Variants in HTT observed in about 807,000 individuals in gnomAD.
The protein encoded by HTT is huntington disease protein.
HTT carries 104 observed loss-of-function variants against 362.3 expected under a neutral mutation model. The observed-to-expected ratio is 0.29, with a 90% CI of 0.24 to 0.34. HTT has a LOEUF of 0.34. Ranked by LOEUF, HTT falls within the 10% of genes least tolerant of loss-of-function variation. The pLI, the probability that HTT is intolerant of heterozygous loss-of-function variation, is 1.00. For synonymous variants in HTT, 1,577 were observed against 1,548.7 expected (o/e 1.02, Z -0.43); for missense variants, 3,301 against 3,928.6 (o/e 0.84, Z 4.27).
At chr4:3,099,730 G>A (rs1201121286) in intron 3 of HTT, among the ~76,000 whole-genome samples, 4 of 151,216 alleles carry the variant, frequency 2.6e-5, no homozygotes. Context: ...TGCATGGTTT[G>A]CAGGTGCTCT....
intron 12 of HTT, 79 bp downstream of exon 12, chr4:3,127,683 G>C: frequency 9.4e-7 from 1 of 1,061,514 alleles, no homozygotes; most frequent in Non-Finnish European, 1.4e-6. Context: ...TGCAGTGGAG[G>C]CCGGGCACAG....
intron 40 of HTT, among the ~76,000 whole-genome samples, chr4:3,193,134 C>T (rs913075268): frequency 6.6e-6 from 1 of 152,218 alleles, no homozygotes; most frequent in Non-Finnish European, 1.5e-5. Flanking sequence ...CGGTAGGGCC[C>T]GGCCGCACGG....
chr4:3,143,843 T>A (rs1029476661), intron 23 of HTT, among the ~76,000 whole-genome samples: 30 of 152,236 alleles, frequency 2.0e-4, no homozygotes, highest in Non-Finnish European at 3.7e-4. Context: ...CCTCAGGTGA[T>A]CCGCCCTCCT....
chr4:3,077,281 C>T (rs928853904), intron 1 of HTT, among the ~76,000 whole-genome samples: 1 of 152,154 alleles, frequency 6.6e-6, no homozygotes, highest in African/African-American at 2.4e-5. Flanking sequence ...CTTCCTTCCA[C>T]CCCTTTCCTC....
At position 3,243,034 on chromosome 4, in the gene HTT, A is replaced by T. The variant is rs2110312462; in HGVS notation, c.*2975A>T. 1 of 152,624 alleles carries T rather than the reference A, an allele frequency of 6.6e-6. No homozygotes were observed. Among genetic ancestry groups the T allele is most frequent in the Non-Finnish European group, 1.5e-5 (1 of 68,020 alleles). The allele number at this position is 152,624 out of a possible 1,614,324, so 9.5% of individuals were successfully genotyped here. On this transcript the variant is annotated 3_prime_UTR_variant, in exon 67 of 67. Transcript: ENST00000355072. ...CATCTGAGAAGGCCCTGTGCCCTAAAGGACACCCCTCGCCCCCATCTTCAT... is the reference window on the plus strand; with the variant it reads ...CATCTGAGAAGGCCCTGTGCCCTAATGGACACCCCTCGCCCCCATCTTCAT...
chr4:3,174,789 G>A lies in HTT; in HGVS notation c.4235G>A (p.Arg1412His), dbSNP rs201053245. 8.7e-6 allele frequency: 14 copies of A among 1,614,026 alleles called. No individual in the cohort carries two copies. Among genetic ancestry groups the A allele is most frequent in the Admixed American group, 1.7e-5 (1 of 60,022 alleles). The change falls in exon 32 of 67, where the codon CGT becomes CAT. Residue 1412 changes from arginine (R) to histidine (H), a missense_variant. Arg to His is a conservative substitution (Grantham distance 29). Around this residue, in one of 4 missense-constraint regions of HTT, gnomAD observed 2,316 missense variants for 2,658.5 expected, o/e 0.87. Coordinates refer to ENST00000355072, the MANE Select transcript of HTT (RefSeq NM_001388492.1). ...AACCTCACGAGTGTCACAAAGAACCGTGCAGATAAGGTAAATGGTGCCGTT... is the reference window on the plus strand; with the variant it reads ...AACCTCACGAGTGTCACAAAGAACCATGCAGATAAGGTAAATGGTGCCGTT... ...KTNLTSVTKN[R>H]ADKNAIHNHI...
At chr4:3,155,728 CAAAAA>C (rs774283812) in intron 27 of HTT, among the ~76,000 whole-genome samples, 76 of 49,602 alleles carry the variant, frequency 1.5e-3, no homozygotes, top group Middle Eastern at 0.013. Context: ...AAAAATACCA[CAAAAA>C]AAAAAAAAAA....
rs181687982 is a variant in HTT at position 3,163,111 on chromosome 4, G to A, written c.3864+2719G>A. ...TTGAGATACGTTCCATCGATACCTA[G>A]TTTATTGAGAGTTTTTAGCATGAAA... On this transcript the variant is annotated intron_variant, in intron 29 of 66. Coordinates refer to ENST00000355072, the MANE Select transcript of HTT (RefSeq NM_001388492.1). Among the ~76,000 whole-genome samples, 21 of 152,270 alleles carry A rather than the reference G, an allele frequency of 1.4e-4. No individual in the cohort carries two copies. In the East Asian group the frequency reaches 3.7e-3, roughly 27 times the overall value.
chr4:3,078,835 C>T (rs57666989), intron 1 of HTT, among the ~76,000 whole-genome samples: 10,821 of 151,982 alleles, frequency 0.071, 718 homozygotes, highest in East Asian at 0.33. Flanking sequence ...CCCGAGTTCA[C>T]GCCATTCTCC....
At position 3,242,286 on chromosome 4, in the gene HTT, G is replaced by C. The variant is rs761716011; in HGVS notation, c.*2227G>C. 1 of 152,180 alleles carries C rather than the reference G, an allele frequency of 6.6e-6. No individual in the cohort carries two copies. The highest frequency in any genetic ancestry group is 2.4e-5 in the African/African-American group (1 of 41,414). The allele number at this position is 152,180 out of a possible 1,614,324, so 9.4% of individuals were successfully genotyped here. The stretch of plus-strand genomic sequence containing the variant: ...CTTAGCAAGGGGCTCAGAACACCCC[G>C]CTCTGGCAGTAGGTGTCCCCCACCC... On this transcript the variant is annotated 3_prime_UTR_variant, in exon 67 of 67. Coordinates refer to ENST00000355072, the MANE Select transcript of HTT (RefSeq NM_001388492.1).
At chr4:3,091,510 A>G (rs1187473026) in intron 2 of HTT, among the ~76,000 whole-genome samples, 1 of 152,232 alleles carries the variant, frequency 6.6e-6, no homozygotes, top group Non-Finnish European at 1.5e-5. Flanking sequence ...TTGAAAGTAA[A>G]TTGAACTTGG....
rs971718765 is a variant in HTT at position 3,229,778 on chromosome 4, G to A, written c.8110-109G>A. The A allele has an allele frequency of 1.0e-5, 12 of 1,183,062 alleles. No individual in the cohort carries two copies. In the African/African-American group the frequency reaches 1.6e-4, roughly 16 times the overall value. The allele number at this position is 1,183,062 out of a possible 1,614,324, so 73.3% of individuals were successfully genotyped here. On this transcript the variant is annotated intron_variant, in intron 59 of 66. Coordinates refer to ENST00000355072, the MANE Select transcript of HTT (RefSeq NM_001388492.1). ...GCACACATGCGTCCCGCACAGTAATGTCTCTTGGGTGTAAGAACACGACTT... is the reference window on the plus strand; with the variant it reads ...GCACACATGCGTCCCGCACAGTAATATCTCTTGGGTGTAAGAACACGACTT...
chr4:3,085,189 G>A (rs1316948213), intron 1 of HTT, among the ~76,000 whole-genome samples: 1 of 151,682 alleles, frequency 6.6e-6, no homozygotes, highest in Non-Finnish European at 1.5e-5. Flanking sequence ...CCAGGCTAGA[G>A]TGCAATGGCG....
At chr4:3,081,294 G>C (rs1012185832) in intron 1 of HTT, among the ~76,000 whole-genome samples, 1 of 152,160 alleles carries the variant, frequency 6.6e-6, no homozygotes, top group Non-Finnish European at 1.5e-5. Context: ...ACAGCTACGC[G>C]GCTCTGCCAT....
intron 29 of HTT, among the ~76,000 whole-genome samples, chr4:3,162,456 G>T (rs2110220168): frequency 6.6e-6 from 1 of 152,326 alleles, no homozygotes; most frequent in African/African-American, 2.4e-5. Flanking sequence ...CCAATTCTGT[G>T]AAGAAAGTCA....
intron 35 of HTT, among the ~76,000 whole-genome samples, chr4:3,179,091 A>G (rs1718376702): frequency 6.6e-6 from 1 of 152,160 alleles, no homozygotes; most frequent in African/African-American, 2.4e-5. Flanking sequence ...TTGAACTTTG[A>G]CAGGGACACA....
intron 14 of HTT, among the ~76,000 whole-genome samples, chr4:3,130,746 ACTGTTCTAAAAGT>A (rs1277589050): frequency 6.6e-6 from 1 of 152,196 alleles, no homozygotes; most frequent in Non-Finnish European, 1.5e-5. Flanking sequence ...GTTCTACTGA[ACTGTTCTAAAAGT>A]CTCTCTTCAT....
At position 3,125,401 on chromosome 4, in the gene HTT, T is replaced by A. The variant is rs555812906; in HGVS notation, c.1322-148T>A. ...TCTACATTCTTTGTGTTTAATACTG[T>A]GGAGGTATAAAAATACTTATATATG... On this transcript the variant is annotated intron_variant, in intron 10 of 66. Transcript: ENST00000355072. 41 of 553,678 alleles carry A rather than the reference T, an allele frequency of 7.4e-5. No individual in the cohort carries two copies. In the East Asian group the frequency reaches 1.1e-3, roughly 14 times the overall value. 34.3% of individuals were successfully genotyped at this position (553,678 alleles called of 1,614,324 possible). A position where few individuals can be genotyped will look rare whatever the true frequency, so the allele number is the denominator to read the frequency against.
At chr4:3,087,754 CT>C (rs1377636793) in intron 2 of HTT, among the ~76,000 whole-genome samples, 1 of 152,128 alleles carries the variant, frequency 6.6e-6, no homozygotes, top group African/African-American at 2.4e-5. Context: ...TGTTATTCTC[CT>C]GGTAGAAGCT....
Sources: gnomAD v4.1 joint callset for allele counts (sites outside exome capture counted in the v4.1 genomes callset) on GRCh38, gnomAD v4.1.1 for gene constraint, gnomAD v4.1.1 regional missense constraint, MANE v1.5 for transcripts, NCBI Gene and HGNC (gene_info 2026-07-23, HGNC 2026-07-21) for gene names.